MAEA: variants seen among roughly 807,000 people sequenced by gnomAD.
MAEA encodes the protein E3 ubiquitin-protein transferase MAEA.
A neutral mutation model predicts 46.2 loss-of-function variants in MAEA; 22 were observed. The observed-to-expected ratio is 0.48, with a 90% confidence interval of 0.34 to 0.68. The LOEUF is 0.68. MAEA is among the 30% of genes least tolerant of loss of function. MAEA has a pLI of 0.01. For synonymous variants in MAEA, 246 were observed against 222.6 expected, an observed-to-expected ratio of 1.11 and a Z score of -0.94; for missense variants, 393 against 558.1, an observed-to-expected ratio of 0.70 and a Z score of 2.98.
rs530586430 is a variant in MAEA, at chr4:1,316,945, C to A, written c.456+1345C>A. On this transcript the variant is annotated intron_variant, in intron 3 of 8. Transcript: ENST00000303400. ...ACCCCCAGGCCCACCCGGCCCCACA[C>A]TCCAGACTCACCTGCAGGCCCACCA... Among the ~76,000 whole-genome samples the A allele has an allele frequency of 2.7e-3, 405 of 148,316 alleles. 6 individuals carry two copies. Among genetic ancestry groups the A allele is most frequent in the African/African-American group, 9.5e-3 (385 of 40,546 alleles).
chr4:1,309,357 C>A (rs1430705167), intron 1 of MAEA: 15 of 1,128,546 alleles, frequency 1.3e-5, no homozygotes, highest in Non-Finnish European at 1.7e-5. Context: ...TGCTAACCAG[C>A]CAGCCCAGGC....
intron 1 of MAEA, among the ~76,000 whole-genome samples, chr4:1,304,125 C>T (rs1217481496): frequency 7.9e-5 from 12 of 152,156 alleles, no homozygotes. Flanking sequence ...CTCCAGTTTC[C>T]TTCACCTCAC....
At chr4:1,312,218 C>T (rs546182620) in intron 2 of MAEA, 57 bp downstream of exon 2, 18 of 1,596,330 alleles carry the variant, frequency 1.1e-5, no homozygotes, top group East Asian at 6.8e-5. Flanking sequence ...CCTTTTGTCT[C>T]GAAAATGAGT....
At chr4:1,298,313 G>T (rs1734971057) in intron 1 of MAEA, among the ~76,000 whole-genome samples, 1 of 141,006 alleles carries the variant, frequency 7.1e-6, no homozygotes, top group Admixed American at 7.2e-5. Flanking sequence ...CCATCCCTGT[G>T]ACCTGAAGAG....
At chr4:1,329,532 G>C in intron 5 of MAEA, 1 of 985,376 alleles carries the variant, frequency 1.0e-6, no homozygotes, top group Non-Finnish European at 1.2e-6. Context: ...AGCCGGGCAG[G>C]CATGGCAAAC....
intron 4 of MAEA, 44 bp from the exon 5 acceptor site, chr4:1,327,583 T>G: frequency 6.8e-7 from 1 of 1,467,452 alleles, no homozygotes; most frequent in Non-Finnish European, 9.5e-7. Context: ...ACCTGGGCTC[T>G]GTGGGATGTG....
At position 1,339,725 on chromosome 4, in the gene MAEA, A is replaced by ACGCCCGCCTGCCTCGCGGGT; in HGVS notation, c.*559_*578dup. ...CCACCGTCGGGGGCTGGCTTCGAGG[A>ACGCCCGCCTGCCTCGCGGGT]CGCCCGCCTGCCTCGCGGGTCGTGT... On this transcript the variant is annotated 3_prime_UTR_variant, in exon 9 of 9. Transcript: ENST00000303400. The ACGCCCGCCTGCCTCGCGGGT allele has an allele frequency of 6.5e-6, 1 of 154,898 alleles. No homozygotes were observed. The highest frequency in any genetic ancestry group is 6.4e-5 in the Admixed American group (1 of 15,606). 9.6% of individuals were successfully genotyped at this position (154,898 alleles called of 1,614,324 possible).
chr4:1,300,966 A>T (rs1368486480), intron 1 of MAEA, among the ~76,000 whole-genome samples: 3 of 152,188 alleles, frequency 2.0e-5, no homozygotes, highest in Admixed American at 2.0e-4. Context: ...CATGCCCCGC[A>T]CCAGAACATG....
At chr4:1,297,403 CCCAGAG>C (rs142193267) in intron 1 of MAEA, among the ~76,000 whole-genome samples, 12,368 of 151,704 alleles carry the variant, frequency 0.082, 1,689 homozygotes, top group African/African-American at 0.28. Context: ...CAGCTCATTC[CCCAGAG>C]CACGGGGCTG....
chr4:1,298,071 A>G lies in MAEA; in HGVS notation c.69+8089A>G, dbSNP rs768024962. 137 of 456,172 alleles carry G rather than the reference A, an allele frequency of 3.0e-4. 1 individual carries two copies. Among genetic ancestry groups the G allele is most frequent in the South Asian group, 2.1e-3 (136 of 64,576 alleles). The allele number at this position is 456,172 out of a possible 1,614,324, so 28.3% of individuals were successfully genotyped here. A position where few individuals can be genotyped will look rare whatever the true frequency, so the allele number is the denominator to read the frequency against. On this transcript the variant is annotated intron_variant, in intron 1 of 8. Transcript: ENST00000303400. ...GAGTGGGTGTCGAGTACTGCCTGGCAGCATAGCCATGCTTCTTGAGGCATT... is the reference window on the plus strand; with the variant it reads ...GAGTGGGTGTCGAGTACTGCCTGGCGGCATAGCCATGCTTCTTGAGGCATT...
At chr4:1,314,942 GC>G (rs1399875945) in intron 2 of MAEA, among the ~76,000 whole-genome samples, 7 of 152,202 alleles carry the variant, frequency 4.6e-5, no homozygotes, top group African/African-American at 1.7e-4. Context: ...GTGTGTGGCA[GC>G]CACGTGGGCT....
intron 7 of MAEA, chr4:1,338,100 T>C: frequency 9.5e-6 from 3 of 316,962 alleles, no homozygotes; most frequent in Non-Finnish European, 1.8e-5. Flanking sequence ...AGAACGTCCC[T>C]GCTGGGTGGC....
intron 1 of MAEA, among the ~76,000 whole-genome samples, chr4:1,308,220 T>C (rs1736019314): frequency 6.6e-6 from 1 of 152,008 alleles, no homozygotes; most frequent in South Asian, 2.1e-4. Context: ...GTGTTTTGCA[T>C]GGAACACATC....
intron 1 of MAEA, among the ~76,000 whole-genome samples, chr4:1,306,480 A>C (rs1352851979): frequency 6.6e-6 from 1 of 152,086 alleles, no homozygotes; most frequent in Non-Finnish European, 1.5e-5. Flanking sequence ...ACGCTATTGC[A>C]CTCCAGCCTG....
Position 1,311,473 on chromosome 4 carries a change from G to A in MAEA, c.70-506G>A, listed in dbSNP as rs989535690. On this transcript the variant is annotated intron_variant, in intron 1 of 8. Transcript: ENST00000303400. The surrounding 1 kb of genome is among the most constrained non-coding windows in gnomAD (Gnocchi z 4.4). ...CTGTCACACAGGAGAGGTGTGGGTC[G>A]TGCACTTGTGGCTTCCCGTGCGTGT... 2.0e-5 allele frequency among the ~76,000 whole-genome samples: 3 copies of A among 152,202 alleles called. No individual in the cohort carries two copies. The highest frequency in any genetic ancestry group is 2.9e-5 in the Non-Finnish European group (2 of 68,044).
chr4:1,331,267 C>T (rs1032345041), intron 5 of MAEA: 6 of 151,232 alleles, frequency 4.0e-5, no homozygotes, highest in African/African-American at 1.5e-4. Flanking sequence ...GACTCACCCC[C>T]GACTCCCAGT....
intron 1 of MAEA, among the ~76,000 whole-genome samples, chr4:1,307,932 A>T (rs546406472): frequency 6.6e-6 from 1 of 152,142 alleles, no homozygotes; most frequent in South Asian, 2.1e-4. Flanking sequence ...CCCAGAAGTA[A>T]TGCTTCACAG....
At chr4:1,332,922 C>G in intron 6 of MAEA, 57 bp downstream of exon 6, 2 of 1,375,580 alleles carry the variant, frequency 1.5e-6, no homozygotes, top group Non-Finnish European at 2.0e-6. Context: ...CAGGGTGTGT[C>G]TCTGGTCTGT....
At chr4:1,294,789 C>T (rs1048289427) in intron 1 of MAEA, among the ~76,000 whole-genome samples, 2 of 47,808 alleles carry the variant, frequency 4.2e-5, no homozygotes, top group South Asian at 6.8e-4. Context: ...TGGACAGTGG[C>T]AGGGGACGGG....
Sources: gnomAD v4.1 joint callset for allele counts (sites outside exome capture counted in the v4.1 genomes callset) on GRCh38, gnomAD v4.1.1 for gene constraint, Gnocchi (gnomAD v3.1) non-coding constraint, MANE v1.5 for transcripts, NCBI Gene and HGNC (gene_info 2026-07-23, HGNC 2026-07-21) for gene names.